The following SLC17A5 variants were observed in gnomAD, a reference collection of about 807,000 sequenced individuals.
SLC17A5 encodes sialin.
Under a neutral mutation model 59.4 loss-of-function variants are expected in SLC17A5, and 47 were observed. The observed-to-expected ratio is 0.79, with a 90% CI of 0.63 to 1.01. The LOEUF (loss-of-function observed/expected upper bound fraction) is 1.01, where lower values mean the gene tolerates loss of function less well. Ranked by LOEUF, SLC17A5 falls within the 50% of genes least tolerant of loss-of-function variation. The pLI is 0.00. For synonymous variants in SLC17A5, 202 were observed against 210.7 expected (o/e 0.96, Z 0.36); for missense variants, 522 against 595.5 (o/e 0.88, Z 1.28).
intron 1 of SLC17A5, chr6:73,653,475 C>G: frequency 1.0e-6 from 1 of 985,278 alleles, no homozygotes; most frequent in Non-Finnish European, 1.2e-6. Context: ...TAACCACCAG[C>G]TCAGCGCCGG....
intron 1 of SLC17A5, chr6:73,653,177 C>G: frequency 1.0e-6 from 1 of 985,240 alleles, no homozygotes. Flanking sequence ...GTCAAGATAT[C>G]AGCTGGGTTA....
At chr6:73,632,777 A>T (rs1768809896) in intron 6 of SLC17A5, among the ~76,000 whole-genome samples, 1 of 151,710 alleles carries the variant, frequency 6.6e-6, no homozygotes, top group South Asian at 2.1e-4. Context: ...AACAAACTCA[A>T]AAGTTTTATC....
At chr6:73,621,015 T>A (rs866381629) in intron 7 of SLC17A5, among the ~76,000 whole-genome samples, 1 of 151,018 alleles carries the variant, frequency 6.6e-6, no homozygotes, top group African/African-American at 2.4e-5. Flanking sequence ...TTATTATTAT[T>A]ATTTTTTGAG....
At chr6:73,641,581 A>G (rs1769286527) in intron 3 of SLC17A5, 110 bp downstream of exon 3, 5 of 808,166 alleles carry the variant, frequency 6.2e-6, no homozygotes, top group Middle Eastern at 3.8e-4. Context: ...AACCCCTGTT[A>G]TCATCCAACG....
At chr6:73,627,185 T>C (rs1166118115) in intron 6 of SLC17A5, among the ~76,000 whole-genome samples, 1 of 152,072 alleles carries the variant, frequency 6.6e-6, no homozygotes, top group Non-Finnish European at 1.5e-5. Flanking sequence ...CAAGTGATTC[T>C]CTTGCCTCAG....
At chr6:73,606,626 C>G (rs1194078417) in intron 9 of SLC17A5, among the ~76,000 whole-genome samples, 4 of 152,122 alleles carry the variant, frequency 2.6e-5, no homozygotes, top group Non-Finnish European at 5.9e-5. Context: ...CCCCCTGCTG[C>G]CTGTCCAGCA....
At position 73,621,887 on chromosome 6, in the gene SLC17A5, A is replaced by T. The variant is rs367841559; in HGVS notation, c.895T>A (p.Phe299Ile). ...LPLWAIVVAH[F>I]SYNWTFYTLL... ...GTATAAAAAGTCCAGTTGTAAGAAA[A>T]GTGTGCAACTACGATAGCCCAAAGT... Residue 299 changes from phenylalanine to isoleucine, a missense_variant, in exon 7 of 11, where the codon TTT becomes ATT. Physicochemically the swap from Phe to Ile is conservative, Grantham distance 21. Around this residue, in one of 3 missense-constraint regions of SLC17A5, gnomAD observed 338 missense variants for 363.8 expected, o/e 0.93. Transcript: ENST00000355773. 2.5e-6 allele frequency: 4 copies of T among 1,613,712 alleles called. No individual in the cohort carries two copies. The African/African-American group carries it at 5.3e-5, about 22-fold the overall frequency.
chr6:73,601,137 G>GGAGCGT (rs1403825656), intron 9 of SLC17A5, among the ~76,000 whole-genome samples: 1 of 150,222 alleles, frequency 6.7e-6, no homozygotes, highest in Non-Finnish European at 1.5e-5. Flanking sequence ...TGGGAAGTGA[G>GGAGCGT]GAGCGTCTCT....
intron 7 of SLC17A5, chr6:73,618,440 T>C: frequency 2.7e-6 from 1 of 365,860 alleles, no homozygotes; most frequent in Non-Finnish European, 5.1e-6. Flanking sequence ...TCCTACTTCA[T>C]GGATGTGAAG....
At chr6:73,618,511 G>A in intron 7 of SLC17A5, 1 of 511,646 alleles carries the variant, frequency 2.0e-6, no homozygotes, top group Non-Finnish European at 3.7e-6. Flanking sequence ...AGTTTTGTGT[G>A]TTGGGTGCTC....
chr6:73,649,029 T>TGC (rs1769719291), intron 1 of SLC17A5, among the ~76,000 whole-genome samples: 1 of 151,730 alleles, frequency 6.6e-6, no homozygotes, highest in Non-Finnish European at 1.5e-5. Flanking sequence ...ATGGAGTCTT[T>TGC]CTCTGTCTCC....
chr6:73,646,675 C>G (rs1769582264), intron 1 of SLC17A5, among the ~76,000 whole-genome samples: 1 of 149,590 alleles, frequency 6.7e-6, no homozygotes, highest in Non-Finnish European at 1.5e-5. Flanking sequence ...TTTCTTTTTT[C>G]TTTCTTTTTT....
intron 6 of SLC17A5, among the ~76,000 whole-genome samples, chr6:73,629,499 G>C (rs77050280): frequency 0.16 from 24,830 of 151,958 alleles, 3,121 homozygotes; most frequent in African/African-American, 0.35. Context: ...GAAGCCGGGT[G>C]TGGTGGCTCA....
intron 7 of SLC17A5, among the ~76,000 whole-genome samples, chr6:73,617,997 A>T (rs1178531379): frequency 6.6e-6 from 1 of 152,110 alleles, no homozygotes; most frequent in Admixed American, 6.6e-5. Flanking sequence ...TGGGAGGCCA[A>T]GGCAAAGGGA....
In SLC17A5 at chr6:73,635,986, G is replaced by A. The variant is rs962029529; in HGVS notation, c.701-486C>T. On this transcript the variant is annotated intron_variant, in intron 5 of 10. Coordinates refer to ENST00000355773, the MANE Select transcript of SLC17A5 (RefSeq NM_012434.5). ...GAACTCCTGACCTCGTGATCCACCCGCCTCGGCCTCCCAAAGTGCTGGGAT... is the reference window on the plus strand; with the variant it reads ...GAACTCCTGACCTCGTGATCCACCCACCTCGGCCTCCCAAAGTGCTGGGAT... Among the ~76,000 whole-genome samples, 8 of 151,844 alleles carry A rather than the reference G, an allele frequency of 5.3e-5. No individual in the cohort carries two copies. In the East Asian group the frequency reaches 1.5e-3, roughly 29 times the overall value.
rs1208567540 is a variant in SLC17A5, at chr6:73,593,533, A to T, written c.*1544T>A. 1 of 152,270 alleles carries T rather than the reference A, an allele frequency of 6.6e-6. No individual in the cohort carries two copies. Among genetic ancestry groups the T allele is most frequent in the East Asian group, 1.9e-4 (1 of 5,208 alleles). The allele number at this position is 152,270 out of a possible 1,614,324, so 9.4% of individuals were successfully genotyped here. ...ACACGTAGTGTTGAACACAAAACAT[A>T]AACTAAGTTTTAAGCCACATAGGTG... On this transcript the variant is annotated 3_prime_UTR_variant, in exon 11 of 11. Transcript: ENST00000355773.
rs571112994 is a variant in SLC17A5, at chr6:73,653,933, C to T, written c.-47G>A. On this transcript the variant is annotated 5_prime_UTR_variant, in exon 1 of 11. Transcript: ENST00000355773. Reference sequence around the variant, plus strand: ...ACTCGCCACCTGGCAGAGAAGGGAGCGCCGGCCCGACAGCCCGAAGCCCCC... The same window carrying T: ...ACTCGCCACCTGGCAGAGAAGGGAGTGCCGGCCCGACAGCCCGAAGCCCCC... 22 of 1,516,004 alleles carry T rather than the reference C, an allele frequency of 1.5e-5. No individual in the cohort carries two copies. Among genetic ancestry groups the T allele is most frequent in the East Asian group, 2.4e-5 (1 of 41,322 alleles). 93.9% of individuals were successfully genotyped at this position (1,516,004 alleles called of 1,614,324 possible). A position where few individuals can be genotyped will look rare whatever the true frequency, so the allele number is the denominator to read the frequency against.
In SLC17A5 at chr6:73,600,401, T is replaced by A. The variant is rs771499688; in HGVS notation, c.1300A>T (p.Thr434Ser). 2 of 1,614,062 alleles carry A rather than the reference T, an allele frequency of 1.2e-6. No homozygotes were observed. The highest frequency in any genetic ancestry group is 4.5e-5 in the East Asian group (2 of 44,878). The change falls in exon 10 of 11, where the codon ACT becomes TCT. Residue 434 changes from threonine to serine, a missense_variant. Around this residue, in one of 3 missense-constraint regions of SLC17A5, gnomAD observed 153 missense variants for 168.5 expected, o/e 0.91. Transcript: ENST00000355773. ...ACGGGCCCAACCATTCCTGGAATAG[T>A]GGCAAATGTATTTGTGATGCCCAGG... Reference protein sequence around the residue: ...ILLGITNTFATIPGMVGPVIA... With the variant: ...ILLGITNTFASIPGMVGPVIA...
At chr6:73,615,868 T>C (rs1160192214) in intron 7 of SLC17A5, among the ~76,000 whole-genome samples, 1 of 149,080 alleles carries the variant, frequency 6.7e-6, no homozygotes, top group Non-Finnish European at 1.5e-5. Context: ...AAACATAGCT[T>C]AATGAATCAT....
Sources: allele counts gnomAD v4.1 joint callset (sites outside exome capture counted in the v4.1 genomes callset), GRCh38; gene constraint gnomAD v4.1.1; regional missense constraint gnomAD v4.1.1; transcripts MANE v1.5; gene names NCBI Gene and HGNC (gene_info 2026-07-23, HGNC 2026-07-21).